CEP112: variants seen among roughly 807,000 people sequenced by gnomAD.
CEP112 encodes centrosomal protein of 112 kDa.
A neutral mutation model predicts 153.0 loss-of-function variants in CEP112; 127 were observed. The ratio of observed to expected loss-of-function variants is 0.83; its 90% confidence interval spans 0.72 to 0.96. The LOEUF (loss-of-function observed/expected upper bound fraction) is 0.96. Among genes scored for constraint, CEP112 ranks in the 40% least tolerant of loss-of-function variants. The probability of loss-of-function intolerance (pLI) is 0.00; values close to 1 mark genes in which losing one functional copy is unlikely to be tolerated. For missense variants in CEP112, 1,089 were observed against 1,101.2 expected (o/e 0.99, Z 0.16); for synonymous variants, 358 against 374.4 (o/e 0.96, Z 0.51).
chr17:65,990,788 G>C (rs2063567597), intron 17 of CEP112, among the ~76,000 whole-genome samples: 4 of 152,226 alleles, frequency 2.6e-5, no homozygotes, highest in Admixed American at 2.6e-4. Flanking sequence ...ACAACCTACT[G>C]AGACACCAGC....
chr17:66,037,916 A>G (rs1021812932), intron 12 of CEP112, among the ~76,000 whole-genome samples: 1 of 152,016 alleles, frequency 6.6e-6, no homozygotes, highest in African/African-American at 2.4e-5. Flanking sequence ...ATACATAGAT[A>G]TGATTATTAT....
chr17:66,022,964 C>A (rs1055008597), intron 16 of CEP112, among the ~76,000 whole-genome samples: 1 of 151,804 alleles, frequency 6.6e-6, no homozygotes, highest in Non-Finnish European at 1.5e-5. Flanking sequence ...AAAGAAAATT[C>A]TCAGAAATTG....
intron 24 of CEP112, among the ~76,000 whole-genome samples, chr17:65,677,265 C>T (rs534688359): frequency 1.3e-5 from 2 of 152,134 alleles, no homozygotes; most frequent in Non-Finnish European, 2.9e-5. Flanking sequence ...TAGAGTATAA[C>T]CACATTTTCT....
chr17:66,183,578 G>C (rs536968328), intron 1 of CEP112, among the ~76,000 whole-genome samples: 1 of 152,212 alleles, frequency 6.6e-6, no homozygotes, highest in East Asian at 1.9e-4. Context: ...CAGATTTTAA[G>C]ATGTACTCCA....
intron 19 of CEP112, among the ~76,000 whole-genome samples, chr17:65,918,006 G>C (rs2143988411): frequency 6.6e-6 from 1 of 152,060 alleles, no homozygotes; most frequent in South Asian, 2.1e-4. Context: ...ATGAAACCCT[G>C]TCTCTACTAA....
At chr17:66,118,718 T>G (rs1229230808) in intron 6 of CEP112, among the ~76,000 whole-genome samples, 1 of 152,146 alleles carries the variant, frequency 6.6e-6, no homozygotes, top group East Asian at 1.9e-4. Context: ...AAAATGGGAT[T>G]GAAATATTCC....
chr17:65,916,904 T>C (rs560027335), intron 19 of CEP112, among the ~76,000 whole-genome samples: 2 of 151,886 alleles, frequency 1.3e-5, no homozygotes, highest in African/African-American at 4.8e-5. Context: ...TTAACCTAGA[T>C]GAGAACAGCT....
chr17:65,770,705 A>G (rs1035653659), intron 21 of CEP112, among the ~76,000 whole-genome samples: 1 of 152,128 alleles, frequency 6.6e-6, no homozygotes, highest in African/African-American at 2.4e-5. Flanking sequence ...GTGGAAATGG[A>G]AGTATACTGT....
At chr17:66,165,595 G>C (rs1337959358) in intron 4 of CEP112, among the ~76,000 whole-genome samples, 1 of 152,196 alleles carries the variant, frequency 6.6e-6, no homozygotes, top group Non-Finnish European at 1.5e-5. Context: ...ACATATAAAA[G>C]TGGAGTTTAA....
At chr17:66,151,120 CTTGCT>C (rs1284312089) in intron 4 of CEP112, among the ~76,000 whole-genome samples, 2 of 127,288 alleles carry the variant, frequency 1.6e-5, no homozygotes, top group Non-Finnish European at 3.7e-5. Context: ...AAAGTTGGCT[CTTGCT>C]TTTTTTATCC....
chr17:65,863,742 T>G (rs1779035341), intron 20 of CEP112, among the ~76,000 whole-genome samples: 1 of 114,638 alleles, frequency 8.7e-6, no homozygotes, highest in South Asian at 3.1e-4. Context: ...AGAGCAAGAC[T>G]CTGTCTCAAA....
chr17:66,113,110 C>A (rs1347112460), intron 6 of CEP112, among the ~76,000 whole-genome samples: 1 of 149,004 alleles, frequency 6.7e-6, no homozygotes, highest in Non-Finnish European at 1.5e-5. Context: ...AAATAAGTAG[C>A]CCAGTGCCAT....
chr17:65,916,182 G>C (rs1343628815), intron 19 of CEP112, among the ~76,000 whole-genome samples: 1 of 151,336 alleles, frequency 6.6e-6, no homozygotes. Context: ...AAACACTTTA[G>C]CTTGCTCTAT....
At chr17:65,664,878 G>A (rs894479036) in intron 24 of CEP112, among the ~76,000 whole-genome samples, 4 of 152,192 alleles carry the variant, frequency 2.6e-5, no homozygotes, top group Non-Finnish European at 5.9e-5. Context: ...CTAGAGGCTG[G>A]GAAATCCAAG....
chr17:66,167,210 A>G (rs1800267110), intron 4 of CEP112, among the ~76,000 whole-genome samples: 1 of 152,106 alleles, frequency 6.6e-6, no homozygotes, highest in South Asian at 2.1e-4. Flanking sequence ...TTAAGATAAT[A>G]CCCTTTGGGA....
At chr17:65,654,962 G>A (rs1013119175) in intron 24 of CEP112, 9 of 674,924 alleles carry the variant, frequency 1.3e-5, no homozygotes, top group East Asian at 3.9e-5. Context: ...TGCGGAAGCC[G>A]GGCCAATAGT....
intron 23 of CEP112, among the ~76,000 whole-genome samples, chr17:65,740,750 G>A (rs572640440): frequency 6.6e-6 from 1 of 152,060 alleles, no homozygotes; most frequent in Non-Finnish European, 1.5e-5. Flanking sequence ...AATGTATTTG[G>A]TCCCAGAAAA....
chr17:65,883,049 G>A (rs935214403), intron 20 of CEP112, among the ~76,000 whole-genome samples: 6 of 152,098 alleles, frequency 3.9e-5, no homozygotes, highest in African/African-American at 1.4e-4. Flanking sequence ...TAGGCATAGG[G>A]TATACAGAAG....
intron 8 of CEP112, among the ~76,000 whole-genome samples, chr17:66,070,294 G>T (rs1227072561): frequency 6.6e-6 from 1 of 152,066 alleles, no homozygotes; most frequent in East Asian, 1.9e-4. Context: ...AAAGAGAAAG[G>T]CATTTTAAAG....
Sources: gnomAD v4.1 joint callset for allele counts (sites outside exome capture counted in the v4.1 genomes callset) on GRCh38, gnomAD v4.1.1 for gene constraint, MANE v1.5 for transcripts, NCBI Gene and HGNC (gene_info 2026-07-23, HGNC 2026-07-21) for gene names.